Variants in EFNA5 observed in about 807,000 individuals in gnomAD.
EFNA5 encodes ephrin A5.
In EFNA5, 5 loss-of-function variants were observed where a neutral mutation model predicts 22.9. The observed-to-expected ratio is 0.22, with a 90% CI of 0.11 to 0.46. EFNA5 has a LOEUF of 0.46. Among genes scored for constraint, EFNA5 ranks in the 20% least tolerant of loss-of-function variants. The probability of loss-of-function intolerance (pLI) is 0.99; values close to 1 mark genes in which losing one functional copy is unlikely to be tolerated. For missense variants in EFNA5, 237 were observed against 293.3 expected (o/e 0.81, Z 1.40); for synonymous variants, 113 against 112.2 (o/e 1.01, Z -0.04).
chr5:107,571,285 G>A (rs1748798378), intron 1 of EFNA5, among the ~76,000 whole-genome samples: 1 of 152,178 alleles, frequency 6.6e-6, no homozygotes, highest in Non-Finnish European at 1.5e-5. Context: ...GGGGCAGAGA[G>A]CACAGGAACC....
chr5:107,431,049 C>T (rs374508749), intron 1 of EFNA5, among the ~76,000 whole-genome samples: 7 of 152,284 alleles, frequency 4.6e-5, no homozygotes, highest in African/African-American at 1.4e-4. Context: ...GCTGGGATTA[C>T]AGGCGTGAGC....
chr5:107,467,836 G>C (rs1276209880), intron 1 of EFNA5, among the ~76,000 whole-genome samples: 1 of 152,162 alleles, frequency 6.6e-6, no homozygotes, highest in Non-Finnish European at 1.5e-5. Context: ...CACTGTCCAA[G>C]GTCCTTTCCT....
At chr5:107,635,552 T>TTAACCCCAG (rs1750356437) in intron 1 of EFNA5, among the ~76,000 whole-genome samples, 1 of 152,224 alleles carries the variant, frequency 6.6e-6, no homozygotes, top group Admixed American at 6.5e-5. Context: ...TTCTTTTTTC[T>TTAACCCCAG]TAACCCCAGG....
chr5:107,670,789 G>A lies in EFNA5; in HGVS notation c.-176C>T, dbSNP rs1580594186. On this transcript the variant is annotated 5_prime_UTR_variant, in exon 1 of 5. Coordinates refer to ENST00000333274, the MANE Select transcript of EFNA5 (RefSeq NM_001962.3). ...GCGCCCACCAAGCTGGGGAGGGGTAGGAGAGCGAGAAGAAAAGAAGGCGGT... is the reference window on the plus strand; with the variant it reads ...GCGCCCACCAAGCTGGGGAGGGGTAAGAGAGCGAGAAGAAAAGAAGGCGGT... 3.6e-6 allele frequency: 3 copies of A among 826,406 alleles called. No homozygotes were observed. Among genetic ancestry groups the A allele is most frequent in the East Asian group, 2.7e-5 (1 of 36,608 alleles). The allele number at this position is 826,406 out of a possible 1,614,324, so 51.2% of individuals were successfully genotyped here.
At chr5:107,590,955 G>C (rs1424666232) in intron 1 of EFNA5, among the ~76,000 whole-genome samples, 1 of 152,120 alleles carries the variant, frequency 6.6e-6, no homozygotes, top group African/African-American at 2.4e-5. Flanking sequence ...CAGTTGTGTG[G>C]GTGGGTCAAG....
intron 1 of EFNA5, among the ~76,000 whole-genome samples, chr5:107,497,688 C>A (rs896790631): frequency 6.6e-6 from 1 of 152,126 alleles, no homozygotes; most frequent in African/African-American, 2.4e-5. Context: ...TTACATAACA[C>A]GCAGGGCACA....
chr5:107,508,148 C>G (rs1178235653), intron 1 of EFNA5, among the ~76,000 whole-genome samples: 3 of 152,148 alleles, frequency 2.0e-5, no homozygotes, highest in Non-Finnish European at 4.4e-5. Flanking sequence ...ATCAGGTCTC[C>G]TTCCTCCTGC....
chr5:107,445,164 A>G (rs1749356867), intron 1 of EFNA5, among the ~76,000 whole-genome samples: 1 of 152,058 alleles, frequency 6.6e-6, no homozygotes, highest in Admixed American at 6.6e-5. Flanking sequence ...CTTGGATTAC[A>G]GGCATCCACC....
intron 1 of EFNA5, among the ~76,000 whole-genome samples, chr5:107,537,912 A>G (rs1561425896): frequency 6.6e-6 from 1 of 152,230 alleles, no homozygotes; most frequent in Non-Finnish European, 1.5e-5. Flanking sequence ...AATGATTAGC[A>G]CATAATACAC....
At chr5:107,616,901 G>A (rs556963409) in intron 1 of EFNA5, among the ~76,000 whole-genome samples, 1 of 152,198 alleles carries the variant, frequency 6.6e-6, no homozygotes, top group East Asian at 1.9e-4. Flanking sequence ...AAAATAGCCA[G>A]ACCTAACATT....
At chr5:107,629,483 C>T (rs1750199157) in intron 1 of EFNA5, among the ~76,000 whole-genome samples, 1 of 152,140 alleles carries the variant, frequency 6.6e-6, no homozygotes, top group East Asian at 1.9e-4. Flanking sequence ...AAGAGGGAAA[C>T]CTAATGTAAA....
At chr5:107,636,710 G>T (rs1473912428) in intron 1 of EFNA5, among the ~76,000 whole-genome samples, 1 of 152,156 alleles carries the variant, frequency 6.6e-6, no homozygotes, top group South Asian at 2.1e-4. Context: ...CATAAGCCAC[G>T]TATCTTGCAT....
intron 1 of EFNA5, among the ~76,000 whole-genome samples, chr5:107,456,784 A>C (rs1472468160): frequency 6.6e-6 from 1 of 152,102 alleles, no homozygotes; most frequent in Non-Finnish European, 1.5e-5. Context: ...CCCCTTGTTC[A>C]ATATGGCCAT....
chr5:107,641,086 G>A (rs899642884), intron 1 of EFNA5, among the ~76,000 whole-genome samples: 3 of 152,066 alleles, frequency 2.0e-5, no homozygotes, highest in Non-Finnish European at 4.4e-5. Context: ...GGCTGGGCAC[G>A]GTGGCTCACA....
At chr5:107,566,420 C>T (rs1478359901) in intron 1 of EFNA5, among the ~76,000 whole-genome samples, 2 of 152,038 alleles carry the variant, frequency 1.3e-5, no homozygotes, top group African/African-American at 2.4e-5. Context: ...AAAGTTCAAA[C>T]GTAAAGGAAA....
chr5:107,608,571 C>T (rs946100736), intron 1 of EFNA5, among the ~76,000 whole-genome samples: 3 of 152,164 alleles, frequency 2.0e-5, no homozygotes, highest in Admixed American at 6.5e-5. Flanking sequence ...GTCATGGTGC[C>T]GGGAGGCCAC....
chr5:107,587,375 G>T (rs994115540), intron 1 of EFNA5, among the ~76,000 whole-genome samples: 1 of 152,110 alleles, frequency 6.6e-6, no homozygotes, highest in African/African-American at 2.4e-5. Context: ...GGGAAAAAAA[G>T]GAGAGGAAAA....
At position 107,380,965 on chromosome 5, in the gene EFNA5, T is replaced by C. The variant is rs1412227536; in HGVS notation, c.*290A>G. 8.6e-6 allele frequency: 3 copies of C among 347,014 alleles called. No homozygotes were observed. Among genetic ancestry groups the C allele is most frequent in the Non-Finnish European group, 1.6e-5 (3 of 189,862 alleles). 21.5% of individuals were successfully genotyped at this position (347,014 alleles called of 1,614,324 possible). ...CACAGGAGCTGACGAACCACTGGTG[T>C]CACTATGACAATTTGGCATTTTCAT... On this transcript the variant is annotated 3_prime_UTR_variant, in exon 5 of 5. Transcript: ENST00000333274.
intron 1 of EFNA5, among the ~76,000 whole-genome samples, chr5:107,510,281 C>T (rs1421123301): frequency 6.6e-6 from 1 of 152,206 alleles, no homozygotes; most frequent in Non-Finnish European, 1.5e-5. Context: ...ATGGCAATGT[C>T]AGGAAGTTAC....
Sources: allele counts gnomAD v4.1 joint callset (sites outside exome capture counted in the v4.1 genomes callset), GRCh38; gene constraint gnomAD v4.1.1; transcripts MANE v1.5; gene names NCBI Gene and HGNC (gene_info 2026-07-23, HGNC 2026-07-21).